Variants in VPS36 observed in about 807,000 individuals in gnomAD.
VPS36 encodes vacuolar protein sorting 36 homolog.
In VPS36, 31 loss-of-function variants were observed where a neutral mutation model predicts 63.5. That is an observed-to-expected ratio of 0.49 (90% CI 0.37 to 0.66). VPS36 has a LOEUF of 0.66. Ranked by LOEUF, VPS36 falls within the 30% of genes least tolerant of loss-of-function variation. The pLI is 0.00. For synonymous variants in VPS36, 138 were observed against 157.2 expected, an observed-to-expected ratio of 0.88 and a Z score of 0.91; for missense variants, 338 against 463.7, an observed-to-expected ratio of 0.73 and a Z score of 2.49.
chr13:52,441,709 G>A (rs1365361229), intron 2 of VPS36, among the ~76,000 whole-genome samples: 1 of 151,924 alleles, frequency 6.6e-6, no homozygotes, highest in Non-Finnish European at 1.5e-5. Flanking sequence ...CCGAGATTGC[G>A]CCACTGCACT....
Position 52,413,541 on chromosome 13 carries a change from A to G in VPS36, c.*2289T>C, listed in dbSNP as rs1957966025. On this transcript the variant is annotated 3_prime_UTR_variant, in exon 14 of 14. Transcript: ENST00000378060. ...TTAAATTTTGCAATAATTTTACTCT[A>G]TATACATTGATACCAATCATTTAAC... is the stretch of plus-strand genomic sequence containing the variant. 2.6e-5 allele frequency: 4 copies of G among 152,238 alleles called. No homozygotes were observed. The South Asian group carries it at 8.3e-4, about 31-fold the overall frequency. The allele number at this position is 152,238 out of a possible 1,614,324, so 9.4% of individuals were successfully genotyped here.
At position 52,417,684 on chromosome 13, in the gene VPS36, G is replaced by C. The variant is rs1396274942; in HGVS notation, c.905+308C>G. Among the ~76,000 whole-genome samples the C allele has an allele frequency of 2.0e-5, 3 of 152,076 alleles. No homozygotes were observed. The East Asian group carries it at 5.8e-4, about 29-fold the overall frequency. ...CACCTGGCTACTTTTTTAAACCTAA[G>C]AATAAGGAAAATAATATTCACAGCT... On this transcript the variant is annotated intron_variant, in intron 11 of 13. Transcript: ENST00000378060.
intron 6 of VPS36, among the ~76,000 whole-genome samples, chr13:52,431,034 C>A (rs2137790305): frequency 6.6e-6 from 1 of 151,972 alleles, no homozygotes; most frequent in Admixed American, 6.5e-5. Flanking sequence ...TTCCTATGAT[C>A]ATTTCCTTAA....
chr13:52,434,848 CTTT>C lies in VPS36; in HGVS notation c.383_385del (p.Gln128del). ...GGAAACTGGCATATTCTCCCATCTT[CTTT>C]GTGTCATTTCCTCTGATAAACGCCT... On this transcript the variant is annotated inframe_deletion, in exon 5 of 14. Coordinates refer to ENST00000378060, the MANE Select transcript of VPS36 (RefSeq NM_016075.4). The C allele has an allele frequency of 6.2e-7, 1 of 1,613,876 alleles. No homozygotes were observed. Among genetic ancestry groups the C allele is most frequent in the Non-Finnish European group, 8.5e-7 (1 of 1,179,914 alleles).
intron 1 of VPS36, among the ~76,000 whole-genome samples, chr13:52,443,542 C>G (rs1468739085): frequency 6.6e-6 from 1 of 152,094 alleles, no homozygotes; most frequent in Non-Finnish European, 1.5e-5. Flanking sequence ...GTGCCCTTAC[C>G]AAGAACCAAA....
chr13:52,429,151 C>T (rs1958132081), intron 6 of VPS36: 1 of 566,826 alleles, frequency 1.8e-6, no homozygotes, highest in South Asian at 7.8e-5. Flanking sequence ...AGTCAAATTT[C>T]CACTCCAATT....
chr13:52,426,937 A>T, intron 8 of VPS36, 52 bp downstream of exon 8: 1 of 1,237,170 alleles, frequency 8.1e-7, no homozygotes, highest in Non-Finnish European at 1.2e-6. Context: ...CAAAAACCTT[A>T]CTGCATTGTG....
At chr13:52,445,976 C>A (rs1189139977) in intron 1 of VPS36, among the ~76,000 whole-genome samples, 2 of 129,108 alleles carry the variant, frequency 1.5e-5, no homozygotes, top group East Asian at 4.6e-4. Flanking sequence ...AAAGGCCGGG[C>A]ACCTTGGCTC....
At chr13:52,434,751 C>T (rs1170372915) in intron 5 of VPS36, 42 bp downstream of exon 5, 1 of 1,542,640 alleles carries the variant, frequency 6.5e-7, no homozygotes, top group South Asian at 1.1e-5. Flanking sequence ...GATGTAAGTA[C>T]AGAGTTGAAA....
intron 5 of VPS36, 77 bp downstream of exon 5, chr13:52,434,716 A>T (rs1013774432): frequency 3.6e-6 from 5 of 1,372,970 alleles, no homozygotes; most frequent in Non-Finnish European, 5.1e-6. Flanking sequence ...AAGTTCTACA[A>T]TCACAGAGTC....
intron 1 of VPS36, among the ~76,000 whole-genome samples, chr13:52,444,581 CACAT>C (rs1021059371): frequency 1.1e-4 from 16 of 147,402 alleles, no homozygotes; most frequent in African/African-American, 3.7e-4. Context: ...TATACACACA[CACAT>C]ATATATATGA....
At chr13:52,437,771 A>T (rs1958233582) in intron 3 of VPS36, among the ~76,000 whole-genome samples, 1 of 152,138 alleles carries the variant, frequency 6.6e-6, no homozygotes, top group South Asian at 2.1e-4. Flanking sequence ...TCTACTAAAA[A>T]TACAAAAAAT....
At chr13:52,436,897 C>T (rs1404787844) in intron 3 of VPS36, among the ~76,000 whole-genome samples, 1 of 152,172 alleles carries the variant, frequency 6.6e-6, no homozygotes, top group Non-Finnish European at 1.5e-5. Context: ...GCCACTCAAT[C>T]AACAGCATGA....
chr13:52,421,102 C>T (rs759281110), intron 10 of VPS36, among the ~76,000 whole-genome samples: 2 of 152,092 alleles, frequency 1.3e-5, no homozygotes, highest in Non-Finnish European at 1.5e-5. Flanking sequence ...CAGAGTGATA[C>T]TCTGTCTCAA....
chr13:52,438,093 C>T (rs777041872), intron 3 of VPS36, among the ~76,000 whole-genome samples: 5 of 152,012 alleles, frequency 3.3e-5, no homozygotes, highest in Non-Finnish European at 7.4e-5. Flanking sequence ...GTCCTCCTCA[C>T]TGGACATGTT....
intron 8 of VPS36, among the ~76,000 whole-genome samples, chr13:52,426,730 C>T (rs1274980758): frequency 6.6e-6 from 1 of 152,170 alleles, no homozygotes; most frequent in Non-Finnish European, 1.5e-5. Flanking sequence ...TGGCACGTGC[C>T]TGTAGTCCCA....
At chr13:52,441,854 C>T (rs1958280943) in intron 2 of VPS36, among the ~76,000 whole-genome samples, 1 of 152,190 alleles carries the variant, frequency 6.6e-6, no homozygotes, top group Admixed American at 6.5e-5. Context: ...GGCCTAGCCT[C>T]CTGATTCTCA....
intron 5 of VPS36, among the ~76,000 whole-genome samples, chr13:52,434,389 T>C (rs907476364): frequency 1.3e-5 from 2 of 152,168 alleles, no homozygotes; most frequent in Admixed American, 6.5e-5. Context: ...GACGGAGTCT[T>C]GCTCTGTCGC....
chr13:52,439,181 C>CA lies in VPS36; in HGVS notation c.166-14dup, dbSNP rs760039327. On this transcript the variant is annotated splice_polypyrimidine_tract_variant and intron_variant, in intron 2 of 13. Coordinates refer to ENST00000378060, the MANE Select transcript of VPS36 (RefSeq NM_016075.4). Reference sequence around the variant, plus strand: ...CCATGCAACACTCCTAGGAGGAAATCAATAGCTTAAATGAAAGACTCTAAA... The same window carrying CA: ...CCATGCAACACTCCTAGGAGGAAATCAAATAGCTTAAATGAAAGACTCTAAA... The CA allele has an allele frequency of 3.3e-5, 53 of 1,611,652 alleles. 1 individual carries two copies. The South Asian group carries it at 5.7e-4, about 17-fold the overall frequency.
Sources: gnomAD v4.1 joint callset for allele counts (sites outside exome capture counted in the v4.1 genomes callset) on GRCh38, gnomAD v4.1.1 for gene constraint, MANE v1.5 for transcripts, NCBI Gene and HGNC (gene_info 2026-07-23, HGNC 2026-07-21) for gene names.